MAF: variants seen among roughly 807,000 people sequenced by gnomAD.
MAF encodes the protein transcription factor Maf.
MAF carries 10 observed loss-of-function variants against 22.0 expected under a neutral mutation model. The ratio of observed to expected loss-of-function variants is 0.45; its 90% CI spans 0.28 to 0.77. The LOEUF (loss-of-function observed/expected upper bound fraction) is 0.77, where lower values mean the gene tolerates loss of function less well. Among genes scored for constraint, MAF ranks in the 30% least tolerant of loss-of-function variants. The probability of loss-of-function intolerance (pLI) is 0.12; values close to 1 mark genes in which losing one functional copy is unlikely to be tolerated. For missense variants in MAF, 544 were observed against 548.4 expected, an observed-to-expected ratio of 0.99 and a Z score of 0.08; for synonymous variants, 337 against 255.8, an observed-to-expected ratio of 1.32 and a Z score of -3.03.
the MAF span, among the ~76,000 whole-genome samples, chr16:79,434,920 G>A: frequency 0.53 from 81,054 of 151,978 alleles, 22,736 homozygotes; most frequent in Middle Eastern, 0.64. Context: ...CCATGGAATG[G>A]ATTCCAGGGA....
At chr16:79,564,408 G>A in the MAF span, among the ~76,000 whole-genome samples, 13 of 152,220 alleles carry the variant, frequency 8.5e-5, no homozygotes, top group African/African-American at 2.9e-4. Flanking sequence ...GGTCAACAGT[G>A]TCAACTGGGG....
the MAF span, among the ~76,000 whole-genome samples, chr16:79,479,545 G>T: frequency 1.1e-4 from 17 of 152,292 alleles, no homozygotes; most frequent in African/African-American, 3.8e-4. Flanking sequence ...ATTTGCAAGG[G>T]ATTGACTCCC....
chr16:79,453,515 T>C, the MAF span, among the ~76,000 whole-genome samples: 5 of 152,242 alleles, frequency 3.3e-5, no homozygotes, highest in Non-Finnish European at 5.9e-5. Context: ...TAAGTATTCA[T>C]ACACTACTAT....
At chr16:79,498,820 G>T in the MAF span, among the ~76,000 whole-genome samples, 155 of 152,182 alleles carry the variant, frequency 1.0e-3, no homozygotes, top group Non-Finnish European at 1.7e-3. Context: ...AGGATACTCT[G>T]GTAATTTACT....
At chr16:79,226,188 AC>A in the MAF span, among the ~76,000 whole-genome samples, 1 of 152,244 alleles carries the variant, frequency 6.6e-6, no homozygotes, top group African/African-American at 2.4e-5. Flanking sequence ...ACCATGGAAT[AC>A]TATGCAGCCA....
chr16:79,510,750 T>C, the MAF span, among the ~76,000 whole-genome samples: 1 of 152,314 alleles, frequency 6.6e-6, no homozygotes, highest in East Asian at 1.9e-4. Context: ...TTTAATAATT[T>C]TTGAACAAGA....
the MAF span, among the ~76,000 whole-genome samples, chr16:79,221,862 A>C: frequency 4.6e-5 from 7 of 152,164 alleles, no homozygotes; most frequent in Non-Finnish European, 7.3e-5. Context: ...AAAACAATTT[A>C]ATTATGTTTA....
chr16:79,303,684 G>A, the MAF span, among the ~76,000 whole-genome samples: 1 of 152,188 alleles, frequency 6.6e-6, no homozygotes, highest in Non-Finnish European at 1.5e-5. Flanking sequence ...GGAGTACTGT[G>A]TTGAGAAGGG....
the MAF span, among the ~76,000 whole-genome samples, chr16:79,552,221 T>C: frequency 1.8e-5 from 1 of 55,440 alleles, no homozygotes; most frequent in Non-Finnish European, 5.4e-5. Flanking sequence ...CTCTCTCTTC[T>C]TTTTTTTTTT....
chr16:79,247,211 G>A, the MAF span, among the ~76,000 whole-genome samples: 1 of 152,182 alleles, frequency 6.6e-6, no homozygotes, highest in African/African-American at 2.4e-5. Flanking sequence ...AGAGCTCAGA[G>A]GCAAGAATGA....
chr16:79,551,291 G>C, the MAF span, among the ~76,000 whole-genome samples: 13 of 152,218 alleles, frequency 8.5e-5, no homozygotes, highest in South Asian at 1.2e-3. Flanking sequence ...CAAGCAGGAA[G>C]AGGCACCCAA....
At chr16:79,289,854 AT>A in the MAF span, among the ~76,000 whole-genome samples, 35 of 55,628 alleles carry the variant, frequency 6.3e-4, no homozygotes, top group Non-Finnish European at 9.2e-4. Flanking sequence ...TTGTTTGTGT[AT>A]TTTTTTTTTT....
chr16:79,250,789 C>T, the MAF span, among the ~76,000 whole-genome samples: 4 of 152,188 alleles, frequency 2.6e-5, no homozygotes, highest in African/African-American at 9.7e-5. Context: ...CGGTTTCCAG[C>T]TTGCTAGCGT....
the MAF span, among the ~76,000 whole-genome samples, chr16:79,545,517 A>T: frequency 9.7e-6 from 1 of 103,272 alleles, no homozygotes; most frequent in Non-Finnish European, 2.1e-5. Flanking sequence ...GTTTTTCACA[A>T]GCCATTGGAA....
the MAF span, among the ~76,000 whole-genome samples, chr16:79,427,645 T>A: frequency 6.6e-6 from 1 of 152,190 alleles, no homozygotes; most frequent in Non-Finnish European, 1.5e-5. Flanking sequence ...GCTCTCCATT[T>A]TCTCTTCCTC....
the MAF span, among the ~76,000 whole-genome samples, chr16:79,420,376 C>T: frequency 2.0e-5 from 3 of 152,216 alleles, no homozygotes; most frequent in Non-Finnish European, 4.4e-5. Context: ...TTTCTGAACA[C>T]AGTGGCCGCA....
At chr16:79,263,872 C>A in the MAF span, among the ~76,000 whole-genome samples, 22 of 151,782 alleles carry the variant, frequency 1.4e-4, no homozygotes, top group East Asian at 4.1e-3. Flanking sequence ...CCACTTGCTC[C>A]ACAACCACCA....
chr16:79,299,486 AGCGG>A, the MAF span, among the ~76,000 whole-genome samples: 9 of 152,356 alleles, frequency 5.9e-5, no homozygotes, highest in African/African-American at 1.9e-4. Flanking sequence ...TGTGCAGACA[AGCGG>A]GTGGCCGGAG....
At chr16:79,526,330 A>T in the MAF span, among the ~76,000 whole-genome samples, 3 of 152,316 alleles carry the variant, frequency 2.0e-5, no homozygotes, top group African/African-American at 7.2e-5. Flanking sequence ...TCACATGCAC[A>T]GCTCATAATA....
Sources: gnomAD v4.1 joint callset for allele counts (sites outside exome capture counted in the v4.1 genomes callset) on GRCh38, gnomAD v4.1.1 for gene constraint, MANE v1.5 for transcripts, NCBI Gene and HGNC (gene_info 2026-07-23, HGNC 2026-07-21) for gene names.